Variants in NEK10 observed in about 807,000 individuals in gnomAD.
NEK10 encodes the protein serine/threonine-protein kinase Nek10.
A neutral mutation model predicts 159.8 loss-of-function variants in NEK10; 122 were observed. The ratio of observed to expected loss-of-function variants is 0.76; its 90% CI spans 0.66 to 0.89. The LOEUF is 0.89. Ranked by LOEUF, NEK10 falls within the 40% of genes least tolerant of loss-of-function variation. The pLI, the probability that NEK10 is intolerant of heterozygous loss-of-function variation, is 0.00. For missense variants in NEK10, 1,342 were observed against 1,323.1 expected (o/e 1.01, Z -0.22); for synonymous variants, 466 against 457.1 (o/e 1.02, Z -0.25).
intron 32 of NEK10, among the ~76,000 whole-genome samples, chr3:27,121,901 A>G (rs748056379): frequency 6.6e-6 from 1 of 151,778 alleles, no homozygotes; most frequent in Non-Finnish European, 1.5e-5. Context: ...ATAAAACTTC[A>G]TGAGGCTGTA....
intron 35 of NEK10, among the ~76,000 whole-genome samples, chr3:27,115,645 A>C (rs527618125): frequency 6.6e-6 from 1 of 152,328 alleles, no homozygotes; most frequent in South Asian, 2.1e-4. Context: ...TTAAAAAACC[A>C]ATCTAGAAAT....
chr3:27,317,024 G>A (rs955497778), intron 6 of NEK10, among the ~76,000 whole-genome samples: 5 of 152,204 alleles, frequency 3.3e-5, no homozygotes, highest in African/African-American at 1.2e-4. Context: ...AATAAAGTTT[G>A]AGAAGTGCTG....
chr3:27,301,859 A>C, intron 12 of NEK10, 24 bp from the exon 13 acceptor site: 1 of 1,536,894 alleles, frequency 6.5e-7, no homozygotes, highest in Non-Finnish European at 8.8e-7. Flanking sequence ...GTTAATGCAT[A>C]GACCATTTAT....
At chr3:27,150,758 C>T (rs567939283) in intron 30 of NEK10, among the ~76,000 whole-genome samples, 14 of 152,202 alleles carry the variant, frequency 9.2e-5, no homozygotes, top group South Asian at 8.3e-4. Context: ...TTCAGAAATC[C>T]GTTTCATAAG....
intron 23 of NEK10, among the ~76,000 whole-genome samples, chr3:27,212,782 T>G (rs1463355543): frequency 6.6e-6 from 1 of 152,204 alleles, no homozygotes; most frequent in Non-Finnish European, 1.5e-5. Flanking sequence ...GGTGGTGGAC[T>G]AAAAGATAAT....
chr3:27,269,506 T>C (rs1215794644), intron 22 of NEK10, among the ~76,000 whole-genome samples: 2 of 152,230 alleles, frequency 1.3e-5, no homozygotes, highest in South Asian at 2.1e-4. Flanking sequence ...GCTCAGATGA[T>C]TGTTAGCACT....
intron 25 of NEK10, among the ~76,000 whole-genome samples, chr3:27,199,975 G>A (rs1430406546): frequency 6.6e-6 from 1 of 152,134 alleles, no homozygotes; most frequent in African/African-American, 2.4e-5. Flanking sequence ...GAGGGCAGGA[G>A]GAAGGAGAGC....
At chr3:27,295,739 C>T in intron 14 of NEK10, 49 bp from the exon 15 acceptor site, 1 of 1,492,700 alleles carries the variant, frequency 6.7e-7, no homozygotes, top group South Asian at 1.3e-5. Context: ...TGTAGTGATA[C>T]ACAAGCAAAA....
At chr3:27,245,430 C>T (rs540250333) in intron 23 of NEK10, among the ~76,000 whole-genome samples, 5 of 152,282 alleles carry the variant, frequency 3.3e-5, no homozygotes, top group Admixed American at 1.3e-4. Context: ...TAGCCCCAAT[C>T]GGGCCTTGCA....
chr3:27,178,593 G>A (rs371642421), intron 26 of NEK10, among the ~76,000 whole-genome samples: 123 of 152,276 alleles, frequency 8.1e-4, no homozygotes, highest in Non-Finnish European at 1.2e-3. Context: ...CAGTGGCACC[G>A]CATTCTATGC....
intron 30 of NEK10, among the ~76,000 whole-genome samples, chr3:27,142,919 A>G (rs1484735358): frequency 6.6e-6 from 1 of 152,226 alleles, no homozygotes; most frequent in Non-Finnish European, 1.5e-5. Context: ...CCTTGTTTAA[A>G]TGTTTGAAAT....
rs1951343541 is a variant in NEK10, at chr3:27,214,817, T to C, written c.2091-12260A>G. 8 of 1,084,006 alleles carry C rather than the reference T, an allele frequency of 7.4e-6. No homozygotes were observed. In the South Asian group the frequency reaches 1.0e-4, roughly 14 times the overall value. 67.1% of individuals were successfully genotyped at this position (1,084,006 alleles called of 1,614,324 possible). A position where few individuals can be genotyped will look rare whatever the true frequency, so the allele number is the denominator to read the frequency against. On this transcript the variant is annotated intron_variant, in intron 23 of 35. Coordinates refer to ENST00000691995, the MANE Select transcript of NEK10 (RefSeq NM_001394966.1). ...ACTGCTCCTGCTCTTTGACATATTT[T>C]CCGTGTAGAAGATATGGAGCCTGGA...
At position 27,119,762 on chromosome 3, in the gene NEK10, G is replaced by C. The variant is rs371961018; in HGVS notation, c.3188C>G (p.Thr1063Arg). Residue 1063 changes from threonine to arginine, a missense_variant and splice_region_variant, in exon 33 of 36, where the codon ACA becomes AGA. Physicochemically the swap from Thr to Arg is moderately conservative, Grantham distance 71. Transcript: ENST00000691995. ...GGNSLSPNDP[T>R]GLPTSIELEE... ...TTACCCATGTTGATCACTATTACCT[G>C]TAGGGTCATTTGGGGACAGGCTGTT... 3.1e-6 allele frequency: 5 copies of C among 1,610,208 alleles called. No individual in the cohort carries two copies. Among genetic ancestry groups the C allele is most frequent in the Non-Finnish European group, 4.2e-6 (5 of 1,176,604 alleles).
At chr3:27,367,040 C>T (rs761236908) in intron 1 of NEK10, among the ~76,000 whole-genome samples, 2 of 152,012 alleles carry the variant, frequency 1.3e-5, no homozygotes, top group Non-Finnish European at 2.9e-5. Flanking sequence ...GAACTCCTGA[C>T]CTCAGGTGAT....
chr3:27,108,757 C>T lies in NEK10; in HGVS notation c.*2515G>A, dbSNP rs1939230002. On this transcript the variant is annotated 3_prime_UTR_variant, in exon 36 of 36. Transcript: ENST00000691995. The stretch of plus-strand genomic sequence containing the variant: ...GTTTGGAGAATCAAAACAAAATGAT[C>T]ATTCTTGGTCATGAGGGGAGGTGCT... Among the ~76,000 whole-genome samples, 1 of 152,122 alleles carries T rather than the reference C, an allele frequency of 6.6e-6. No homozygotes were observed. The highest frequency in any genetic ancestry group is 2.1e-4 in the South Asian group (1 of 4,826).
At chr3:27,335,601 A>G (rs912061951) in intron 5 of NEK10, among the ~76,000 whole-genome samples, 1 of 152,204 alleles carries the variant, frequency 6.6e-6, no homozygotes, top group Non-Finnish European at 1.5e-5. Flanking sequence ...TCCATGATAG[A>G]CCATGTTAGG....
chr3:27,127,759 AG>A (rs1209514147), intron 32 of NEK10, among the ~76,000 whole-genome samples: 3 of 152,022 alleles, frequency 2.0e-5, no homozygotes, highest in Non-Finnish European at 4.4e-5. Flanking sequence ...ACACTTTTAG[AG>A]TTTCTATGTT....
chr3:27,160,360 C>T (rs530066510), intron 30 of NEK10, among the ~76,000 whole-genome samples: 2 of 152,282 alleles, frequency 1.3e-5, no homozygotes, highest in East Asian at 1.9e-4. Flanking sequence ...GTGAATGGCA[C>T]TGGCACCAGC....
intron 23 of NEK10, among the ~76,000 whole-genome samples, chr3:27,239,435 GAGA>G (rs1229066661): frequency 1.3e-5 from 2 of 152,172 alleles, no homozygotes; most frequent in Non-Finnish European, 2.9e-5. Context: ...AGGAGAAAGG[GAGA>G]AGAAGGCAGA....
Sources: allele counts gnomAD v4.1 joint callset (sites outside exome capture counted in the v4.1 genomes callset), GRCh38; gene constraint gnomAD v4.1.1; transcripts MANE v1.5; gene names NCBI Gene and HGNC (gene_info 2026-07-23, HGNC 2026-07-21).